The following SNX9 variants were observed in gnomAD, a reference collection of about 807,000 sequenced individuals.
SNX9 encodes the protein sorting nexin-9.
SNX9 carries 44 observed loss-of-function variants against 89.4 expected under a neutral mutation model. The observed-to-expected ratio is 0.49, with a 90% CI of 0.39 to 0.63. SNX9 has a LOEUF of 0.63. SNX9 is among the 30% of genes least tolerant of loss of function. The pLI is 0.00. For synonymous variants in SNX9, 236 were observed against 247.8 expected, an observed-to-expected ratio of 0.95 and a Z score of 0.45; for missense variants, 578 against 736.1, an observed-to-expected ratio of 0.79 and a Z score of 2.49.
chr6:157,830,608 T>C (rs1445776562), intron 1 of SNX9: 1 of 152,222 alleles, frequency 6.6e-6, no homozygotes, highest in Admixed American at 6.5e-5. Context: ...AGTGTACTCT[T>C]TGTGATGATG....
At chr6:157,910,597 C>G (rs1372479345) in intron 9 of SNX9, among the ~76,000 whole-genome samples, 1 of 152,010 alleles carries the variant, frequency 6.6e-6, no homozygotes, top group Non-Finnish European at 1.5e-5. Context: ...GATTATTACC[C>G]TCTCCCTTCT....
At chr6:157,874,890 A>G (rs369850228) in intron 3 of SNX9, 161 bp from the exon 4 acceptor site, 1 of 622,976 alleles carries the variant, frequency 1.6e-6, no homozygotes. Context: ...AAATGAAAAT[A>G]CAACCCATTA....
Position 157,936,040 on chromosome 6 carries a change from G to C in SNX9, c.1443G>C (p.Gln481His). The change falls in exon 14 of 18, where the codon CAG becomes CAC. Residue 481 changes from glutamine to histidine, a missense_variant and splice_region_variant. By Grantham distance (24) the Gln-to-His change is conservative (BLOSUM62 0). Transcript: ENST00000392185. Reference protein sequence around the residue: ...YEEIASLVAEQPKKDLHFLME... With the variant: ...YEEIASLVAEHPKKDLHFLME... Reference sequence around the variant, plus strand: ...AAATTGCCAGTCTCGTGGCAGAACAGGTACTAACATAATCACACAATTCCA... The same window carrying C: ...AAATTGCCAGTCTCGTGGCAGAACACGTACTAACATAATCACACAATTCCA... 6.2e-7 allele frequency: 1 copy of C among 1,608,220 alleles called. No individual in the cohort carries two copies. The highest frequency in any genetic ancestry group is 8.5e-7 in the Non-Finnish European group (1 of 1,176,740).
At chr6:157,864,646 G>C (rs1202036845) in intron 1 of SNX9, among the ~76,000 whole-genome samples, 2 of 152,178 alleles carry the variant, frequency 1.3e-5, no homozygotes, top group African/African-American at 4.8e-5. Flanking sequence ...TCCACTCTGA[G>C]GGCTCGCTTC....
chr6:157,863,500 A>G (rs1782189875), intron 1 of SNX9, among the ~76,000 whole-genome samples: 1 of 152,234 alleles, frequency 6.6e-6, no homozygotes, highest in Admixed American at 6.5e-5. Flanking sequence ...GACAATATAT[A>G]TTGAATATAT....
At chr6:157,918,459 T>C (rs9356118) in intron 9 of SNX9, among the ~76,000 whole-genome samples, 32,908 of 152,048 alleles carry the variant, frequency 0.22, 3,629 homozygotes, top group Non-Finnish European at 0.23. Flanking sequence ...GTATATCTTT[T>C]CCCATCCGTT....
intron 15 of SNX9, among the ~76,000 whole-genome samples, chr6:157,937,931 G>A (rs1005171208): frequency 3.3e-5 from 5 of 152,180 alleles, no homozygotes; most frequent in African/African-American, 4.8e-5. Flanking sequence ...AGGTAAATTA[G>A]GTTTGTACAA....
At chr6:157,868,381 C>T (rs769992534) in intron 2 of SNX9, among the ~76,000 whole-genome samples, 1 of 152,186 alleles carries the variant, frequency 6.6e-6, no homozygotes, top group Admixed American at 6.5e-5. Context: ...ATGTGTGTCT[C>T]TGCTTATATA....
chr6:157,904,384 A>G (rs1783167172), intron 6 of SNX9, among the ~76,000 whole-genome samples: 1 of 152,154 alleles, frequency 6.6e-6, no homozygotes, highest in Non-Finnish European at 1.5e-5. Flanking sequence ...CAGTGAGCCG[A>G]GATGGCACCA....
At chr6:157,900,797 T>C (rs1216593574) in intron 5 of SNX9, among the ~76,000 whole-genome samples, 3 of 152,218 alleles carry the variant, frequency 2.0e-5, no homozygotes, top group African/African-American at 2.4e-5. Flanking sequence ...TAACCTATGA[T>C]TAGCAAGATA....
intron 7 of SNX9, among the ~76,000 whole-genome samples, chr6:157,908,407 T>C (rs1783263479): frequency 6.6e-6 from 1 of 152,248 alleles, no homozygotes; most frequent in African/African-American, 2.4e-5. Flanking sequence ...ATTTTTCATT[T>C]TCAAGCCAAG....
chr6:157,843,592 G>A (rs944724753), intron 1 of SNX9, among the ~76,000 whole-genome samples: 3 of 152,144 alleles, frequency 2.0e-5, no homozygotes, highest in African/African-American at 7.2e-5. Context: ...ATGTAAAGTG[G>A]ACCAGACCTG....
chr6:157,848,662 A>G (rs937273518), intron 1 of SNX9, among the ~76,000 whole-genome samples: 2 of 152,236 alleles, frequency 1.3e-5, no homozygotes, highest in Non-Finnish European at 1.5e-5. Flanking sequence ...TAGGTGGCAG[A>G]TGCCGTGCTA....
intron 8 of SNX9, 48 bp downstream of exon 8, chr6:157,909,838 T>G (rs779887851): frequency 1.9e-6 from 3 of 1,612,042 alleles, no homozygotes; most frequent in Non-Finnish European, 2.5e-6. Flanking sequence ...GATCACTGAT[T>G]GCAGCTTGCT....
intron 1 of SNX9, among the ~76,000 whole-genome samples, chr6:157,863,041 T>A (rs1456791149): frequency 6.6e-6 from 1 of 152,242 alleles, no homozygotes; most frequent in Non-Finnish European, 1.5e-5. Context: ...TACATTGACT[T>A]CGTTTTTCAG....
intron 4 of SNX9, among the ~76,000 whole-genome samples, chr6:157,885,677 A>G (rs1016069093): frequency 6.6e-6 from 1 of 152,214 alleles, no homozygotes; most frequent in Non-Finnish European, 1.5e-5. Context: ...AGGATGTGAC[A>G]GGCACAGTGA....
At chr6:157,845,339 G>C (rs977777913) in intron 1 of SNX9, among the ~76,000 whole-genome samples, 2 of 151,988 alleles carry the variant, frequency 1.3e-5, no homozygotes, top group African/African-American at 4.8e-5. Context: ...TCAAACTCCT[G>C]ACCTCAGGTG....
In SNX9 at chr6:157,944,310, A is replaced by G. The variant is rs878928098; in HGVS notation, c.*1472A>G. 3.3e-5 allele frequency: 5 copies of G among 152,648 alleles called. No individual in the cohort carries two copies. Among genetic ancestry groups the G allele is most frequent in the South Asian group, 2.1e-4 (1 of 4,824 alleles). The allele number at this position is 152,648 out of a possible 1,614,324, so 9.5% of individuals were successfully genotyped here. A position where few individuals can be genotyped will look rare whatever the true frequency, so the allele number is the denominator to read the frequency against. On this transcript the variant is annotated 3_prime_UTR_variant, in exon 18 of 18. Coordinates refer to ENST00000392185, the MANE Select transcript of SNX9 (RefSeq NM_016224.5). ...GAATATGAGAACATCTTGTTCTTCA[A>G]TATCACGGGTTTTTGTTAATGTTTC...
rs144121689 is a variant in SNX9 at position 157,904,667 on chromosome 6, G to A, written c.621-1461G>A. Among the ~76,000 whole-genome samples the A allele has an allele frequency of 4.9e-3, 744 of 151,992 alleles. 3 individuals are homozygous for A. Among genetic ancestry groups the A allele is most frequent in the Non-Finnish European group, 7.7e-3 (525 of 67,956 alleles). On this transcript the variant is annotated intron_variant, in intron 6 of 17. Coordinates refer to ENST00000392185, the MANE Select transcript of SNX9 (RefSeq NM_016224.5). The stretch of plus-strand genomic sequence containing the variant: ...GGAGGTTACAGTGAGCCGAGATCGC[G>A]CCACTGTACTCCAGCCTGGCGACAG...
Sources: allele counts gnomAD v4.1 joint callset (sites outside exome capture counted in the v4.1 genomes callset), GRCh38; gene constraint gnomAD v4.1.1; transcripts MANE v1.5; gene names NCBI Gene and HGNC (gene_info 2026-07-23, HGNC 2026-07-21).